IQCM: variants seen among roughly 807,000 people sequenced by gnomAD.
IQCM encodes IQ motif containing M.
In IQCM, 45 loss-of-function variants were observed where a neutral mutation model predicts 57.6. The observed-to-expected ratio is 0.78, with a 90% CI of 0.62 to 1.00. The LOEUF is 1.00. Ranked by LOEUF, IQCM falls within the 50% of genes least tolerant of loss-of-function variation. IQCM has a pLI of 0.00. For synonymous variants in IQCM, 148 were observed against 158.9 expected, an observed-to-expected ratio of 0.93 and a Z score of 0.51; for missense variants, 468 against 511.6, an observed-to-expected ratio of 0.91 and a Z score of 0.82.
At chr4:149,353,712 T>A (rs1410638006) in intron 13 of IQCM, among the ~76,000 whole-genome samples, 1 of 152,106 alleles carries the variant, frequency 6.6e-6, no homozygotes, top group Non-Finnish European at 1.5e-5. Context: ...TTCACTTACA[T>A]GTGGAATCTG....
intron 7 of IQCM, among the ~76,000 whole-genome samples, chr4:149,652,086 T>C (rs1759236977): frequency 6.6e-6 from 1 of 151,984 alleles, no homozygotes; most frequent in Admixed American, 6.6e-5. Context: ...ATAAAGAAAA[T>C]GTGGTACATA....
chr4:149,381,294 C>T (rs1384705804), intron 13 of IQCM, among the ~76,000 whole-genome samples: 1 of 151,970 alleles, frequency 6.6e-6, no homozygotes, highest in Non-Finnish European at 1.5e-5. Flanking sequence ...GTTTCTGCCT[C>T]CTCTTCTCCC....
chr4:149,691,925 A>G (rs1762968603), intron 5 of IQCM: 1 of 152,234 alleles, frequency 6.6e-6, no homozygotes, highest in Non-Finnish European at 1.5e-5. Context: ...TATGCTTAAA[A>G]CATACAACAT....
At chr4:149,483,320 T>C (rs1741116323) in intron 12 of IQCM, among the ~76,000 whole-genome samples, 1 of 151,910 alleles carries the variant, frequency 6.6e-6, no homozygotes, top group Non-Finnish European at 1.5e-5. Flanking sequence ...ATTTTGAGTT[T>C]GGTTTGCTCT....
At chr4:149,696,443 T>G (rs1490628562) in intron 5 of IQCM, among the ~76,000 whole-genome samples, 3 of 152,110 alleles carry the variant, frequency 2.0e-5, no homozygotes, top group Non-Finnish European at 4.4e-5. Context: ...CCAGCCTTTT[T>G]GTTTATGTTA....
intron 2 of IQCM, among the ~76,000 whole-genome samples, chr4:149,772,680 A>C (rs1311264683): frequency 6.6e-6 from 1 of 152,252 alleles, no homozygotes; most frequent in Admixed American, 6.5e-5. Flanking sequence ...TTTGAAAATA[A>C]CATGTTAACA....
intron 2 of IQCM, among the ~76,000 whole-genome samples, chr4:149,784,571 G>C (rs1327860946): frequency 6.6e-6 from 1 of 152,062 alleles, no homozygotes; most frequent in Non-Finnish European, 1.5e-5. Flanking sequence ...GCCCGCCACT[G>C]CGCCTGGCTA....
chr4:149,792,783 C>A (rs1772760103), intron 2 of IQCM, among the ~76,000 whole-genome samples: 1 of 152,096 alleles, frequency 6.6e-6, no homozygotes, highest in Admixed American at 6.6e-5. Flanking sequence ...AACAATTAAA[C>A]CAAGTGATGG....
intron 2 of IQCM, among the ~76,000 whole-genome samples, chr4:149,751,397 C>T (rs1768421869): frequency 6.6e-6 from 1 of 152,192 alleles, no homozygotes; most frequent in African/African-American, 2.4e-5. Flanking sequence ...TCAGATGGGA[C>T]TGGGTTCAAG....
At chr4:149,630,601 G>A (rs1503750) in intron 7 of IQCM, among the ~76,000 whole-genome samples, 65,795 of 151,940 alleles carry the variant, frequency 0.43, 14,642 homozygotes, top group South Asian at 0.58. Context: ...AGTTTATCGT[G>A]TATTGATATA....
chr4:149,549,781 T>C (rs1380683763), intron 11 of IQCM, among the ~76,000 whole-genome samples: 1 of 152,180 alleles, frequency 6.6e-6, no homozygotes, highest in Admixed American at 6.5e-5. Context: ...AGTTATATCA[T>C]CCTGGCACTC....
intron 5 of IQCM, among the ~76,000 whole-genome samples, chr4:149,725,111 T>C (rs1197295671): frequency 6.6e-6 from 1 of 152,154 alleles, no homozygotes; most frequent in South Asian, 2.1e-4. Flanking sequence ...TTACAAAGGA[T>C]ATTTGATACT....
chr4:149,710,064 T>C (rs1479420378), intron 5 of IQCM, among the ~76,000 whole-genome samples: 1 of 152,144 alleles, frequency 6.6e-6, no homozygotes, highest in Admixed American at 6.6e-5. Flanking sequence ...GACTATTAAA[T>C]TATCTGTAGG....
Position 149,532,283 on chromosome 4 carries a change from T to C in IQCM, c.1228+16172A>G, listed in dbSNP as rs887511827. On this transcript the variant is annotated intron_variant, in intron 12 of 13. Transcript: ENST00000636793. ...ACCTAGTATACAAAGGCAATGCTGG[T>C]ATGATGCCAGGGTCCATTAGGGATT... 5.3e-5 allele frequency among the ~76,000 whole-genome samples: 8 copies of C among 152,168 alleles called. No individual in the cohort carries two copies. The East Asian group carries it at 1.5e-3, about 29-fold the overall frequency.
At chr4:149,399,417 G>C (rs1732460616) in intron 13 of IQCM, among the ~76,000 whole-genome samples, 1 of 151,926 alleles carries the variant, frequency 6.6e-6, no homozygotes. Flanking sequence ...CACAAGGCCA[G>C]GAGGAAGGGA....
At chr4:149,410,011 C>G (rs992155953) in intron 13 of IQCM, among the ~76,000 whole-genome samples, 2 of 152,114 alleles carry the variant, frequency 1.3e-5, no homozygotes, top group Non-Finnish European at 2.9e-5. Flanking sequence ...TGGTGAAACC[C>G]CGTCTCTACT....
intron 8 of IQCM, among the ~76,000 whole-genome samples, chr4:149,598,514 C>G (rs1753980816): frequency 6.6e-6 from 1 of 151,628 alleles, no homozygotes; most frequent in South Asian, 2.1e-4. Context: ...ATAACAAGTA[C>G]AAAATGGAAA....
intron 8 of IQCM, among the ~76,000 whole-genome samples, chr4:149,595,288 T>C (rs1419601714): frequency 1.3e-5 from 2 of 152,132 alleles, no homozygotes; most frequent in African/African-American, 2.4e-5. Context: ...CCCTGCTTTT[T>C]TTTGTTTTCC....
intron 5 of IQCM, among the ~76,000 whole-genome samples, chr4:149,696,285 AT>A (rs1156794913): frequency 6.6e-6 from 1 of 152,040 alleles, no homozygotes; most frequent in Non-Finnish European, 1.5e-5. Flanking sequence ...AATGATAATG[AT>A]TTTCTTTTAT....
Sources: gnomAD v4.1 joint callset for allele counts (sites outside exome capture counted in the v4.1 genomes callset) on GRCh38, gnomAD v4.1.1 for gene constraint, MANE v1.5 for transcripts, NCBI Gene and HGNC (gene_info 2026-07-23, HGNC 2026-07-21) for gene names.